Variants in NSD1 observed in about 807,000 individuals in gnomAD.
NSD1 encodes the protein histone-lysine N-methyltransferase, H3 lysine-36 specific.
In NSD1, 26 loss-of-function variants were observed where a neutral mutation model predicts 242.7. The ratio of observed to expected loss-of-function variants is 0.11; its 90% CI spans 0.08 to 0.15. The LOEUF (loss-of-function observed/expected upper bound fraction) is 0.15. Among genes scored for constraint, NSD1 ranks in the 10% least tolerant of loss-of-function variants. The pLI is 1.00. For synonymous variants in NSD1, 1,106 were observed against 1,178.1 expected (o/e 0.94, Z 1.25); for missense variants, 2,495 against 3,272.8 (o/e 0.76, Z 5.80).
chr5:177,134,663 G>C lies in NSD1; in HGVS notation c.-17-424G>C, dbSNP rs912514240. ...GCTGCGCCCTAGCGAGCCAGGAAGG[G>C]GGGGGTACCTTTTTGTGCAGGGTCC... On this transcript the variant is annotated intron_variant, in intron 1 of 22. Transcript: ENST00000439151. The surrounding 1 kb of genome is among the most constrained non-coding windows in gnomAD (Gnocchi z 4.2). 2.0e-5 allele frequency among the ~76,000 whole-genome samples: 3 copies of C among 152,206 alleles called. No individual in the cohort carries two copies. Among genetic ancestry groups the C allele is most frequent in the African/African-American group, 7.2e-5 (3 of 41,470 alleles).
chr5:177,292,279 G>T (rs556503132), intron 22 of NSD1, 121 bp downstream of exon 22: 2 of 944,212 alleles, frequency 2.1e-6, no homozygotes, highest in East Asian at 2.6e-5. Context: ...ATTTTGAGGG[G>T]TATGGTCTAT....
chr5:177,241,184 C>T (rs969468547), intron 8 of NSD1, among the ~76,000 whole-genome samples: 2 of 151,998 alleles, frequency 1.3e-5, no homozygotes, highest in African/African-American at 4.8e-5. Flanking sequence ...CCAGTTGTTT[C>T]AGCACCATTT....
intron 4 of NSD1, among the ~76,000 whole-genome samples, chr5:177,208,527 T>G (rs907500155): frequency 6.6e-5 from 10 of 151,632 alleles, no homozygotes; most frequent in Non-Finnish European, 1.3e-4. Context: ...TTTCTTTTTT[T>G]CTTTTCTTTT....
In NSD1 at chr5:177,294,031, T is replaced by C. The variant is rs1760069899; in HGVS notation, c.6663T>C (p.Tyr2221=). 1.9e-6 allele frequency: 3 copies of C among 1,613,986 alleles called. No homozygotes were observed. The highest frequency in any genetic ancestry group is 2.2e-5 in the East Asian group (1 of 44,880). ...NPLEPGEIRE[Y]VPPPVPLPPG... ...TGGAACCTGGGGAGATCCGTGAGTA[T>C]GTGCCTCCCCCAGTACCGCTGCCTC... is the stretch of plus-strand genomic sequence containing the variant. The change falls in exon 23 of 23, where the codon TAT becomes TAC. Residue 2221 remains tyrosine, a synonymous_variant. Transcript: ENST00000439151.
intron 13 of NSD1, 61 bp from the exon 14 acceptor site, chr5:177,259,928 A>G (rs1756851443): frequency 2.5e-6 from 4 of 1,574,142 alleles, no homozygotes; most frequent in Non-Finnish European, 3.5e-6. Context: ...AATAACTCAC[A>G]TTCTTTTTAT....
chr5:177,223,276 AGGCACGGTGGCTAGGCCG>A (rs1351869632), intron 5 of NSD1, among the ~76,000 whole-genome samples: 2 of 151,892 alleles, frequency 1.3e-5, no homozygotes, highest in Non-Finnish European at 2.9e-5. Flanking sequence ...GAGCCAGTCT[AGGCACGGTGGCTAGGCCG>A]GGCACGGTGG....
At chr5:177,144,810 G>A (rs561292658) in intron 2 of NSD1, among the ~76,000 whole-genome samples, 4 of 152,104 alleles carry the variant, frequency 2.6e-5, no homozygotes, top group Non-Finnish European at 4.4e-5. Flanking sequence ...GGCCGGGCGC[G>A]GTGGTTCACA....
chr5:177,210,320 A>C lies in NSD1; in HGVS notation c.1921A>C (p.Thr641Pro). The C allele has an allele frequency of 6.2e-7, 1 of 1,613,992 alleles. No individual in the cohort carries two copies. Among genetic ancestry groups the C allele is most frequent in the Non-Finnish European group, 8.5e-7 (1 of 1,179,974 alleles). The change falls in exon 5 of 23, where the codon ACT (threonine) becomes CCT (proline). Residue 641 changes from threonine to proline, a missense_variant. Thr to Pro is a conservative substitution (Grantham distance 38, BLOSUM62 -1). Coordinates refer to ENST00000439151, the MANE Select transcript of NSD1 (RefSeq NM_022455.5). Reference sequence around the variant, plus strand: ...AAGTGATTCCATTAGTATCTGTACCACTTCTGATGATGGAAGCAGTGACCT... The same window carrying C: ...AAGTGATTCCATTAGTATCTGTACCCCTTCTGATGATGGAAGCAGTGACCT... Reference protein sequence around the residue: ...KRSDSISICTTSDDGSSDLDP... With the variant: ...KRSDSISICTPSDDGSSDLDP...
At chr5:177,189,575 T>C (rs769196840) in intron 2 of NSD1, among the ~76,000 whole-genome samples, 1 of 152,212 alleles carries the variant, frequency 6.6e-6, no homozygotes, top group Non-Finnish European at 1.5e-5. Flanking sequence ...TCTGGAGTTG[T>C]ATCTCCCCAG....
rs557636284 is a variant in NSD1 at position 177,226,431 on chromosome 5, T to C, written c.3797-9390T>C. Reference sequence around the variant, plus strand: ...ATTTAAAATTTAGCATAGTTAAAAATCTTAAGTCATTTGGTATGTGTGAGA... The same window carrying C: ...ATTTAAAATTTAGCATAGTTAAAAACCTTAAGTCATTTGGTATGTGTGAGA... On this transcript the variant is annotated intron_variant, in intron 5 of 22. Coordinates refer to ENST00000439151, the MANE Select transcript of NSD1 (RefSeq NM_022455.5). Among the ~76,000 whole-genome samples the C allele has an allele frequency of 3.3e-5, 5 of 152,336 alleles. No individual in the cohort carries two copies. In the South Asian group the frequency reaches 6.2e-4, roughly 19 times the overall value.
rs749277550 is a variant in NSD1, at chr5:177,282,529, G to A, written c.5957G>A (p.Arg1986His). ...IDEEECRARI[R>H]YAQEHDITNF... ...GAAGAAGAATGCAGAGCTCGAATTC[G>A]CTATGCTCAAGAACATGATATCACT... Residue 1986 changes from arginine (R) to histidine (H), a missense_variant, in exon 19 of 23, where the codon CGC becomes CAC. Transcript: ENST00000439151. 12 of 1,613,906 alleles carry A rather than the reference G, an allele frequency of 7.4e-6. No individual in the cohort carries two copies. The highest frequency in any genetic ancestry group is 6.7e-5 in the East Asian group (3 of 44,870).
chr5:177,285,927 G>A (rs1759289228), intron 20 of NSD1, among the ~76,000 whole-genome samples: 1 of 152,118 alleles, frequency 6.6e-6, no homozygotes, highest in Middle Eastern at 3.4e-3. Context: ...ACGGAGTCTC[G>A]CTCTGTTGCC....
chr5:177,155,924 C>T (rs1176597022), intron 2 of NSD1, among the ~76,000 whole-genome samples: 1 of 151,388 alleles, frequency 6.6e-6, no homozygotes, highest in Admixed American at 6.6e-5. Context: ...AGGCTGGTCT[C>T]GAACTCCTGA....
chr5:177,193,626 T>C (rs1761874026), intron 3 of NSD1, among the ~76,000 whole-genome samples: 1 of 152,022 alleles, frequency 6.6e-6, no homozygotes, highest in African/African-American at 2.4e-5. Context: ...GTAGTGATTT[T>C]ATTTTAGTTT....
intron 5 of NSD1, among the ~76,000 whole-genome samples, chr5:177,218,097 C>T (rs1763929751): frequency 6.6e-6 from 1 of 152,074 alleles, no homozygotes; most frequent in Non-Finnish European, 1.5e-5. Flanking sequence ...CCTTTTTGTA[C>T]AGGTCAGGTT....
At position 177,135,818 on chromosome 5, in the gene NSD1, A is replaced by C; in HGVS notation, c.715A>C (p.Lys239Gln). 6.2e-7 allele frequency: 1 copy of C among 1,608,158 alleles called. No homozygotes were observed. ...LAPQTETQKN[K>Q]QRNEVDGSNE... is the part of the protein sequence containing the mutation. ...TCCTCAGACTGAAACACAGAAAAAT[A>C]AGCAAAGAAATGAAGTGGACGGCAG... Residue 239 changes from lysine (K) to glutamine (Q), a missense_variant, in exon 2 of 23, where the codon AAG (lysine) becomes CAG (glutamine). Around this residue, in one of 19 missense-constraint regions of NSD1, gnomAD observed 376 missense variants for 367.4 expected, o/e 1.02. Coordinates refer to ENST00000439151, the MANE Select transcript of NSD1 (RefSeq NM_022455.5).
intron 2 of NSD1, among the ~76,000 whole-genome samples, chr5:177,168,685 T>C (rs1409561895): frequency 6.6e-6 from 1 of 152,128 alleles, no homozygotes; most frequent in Non-Finnish European, 1.5e-5. Context: ...GGTCTCGAAC[T>C]CCTGATCTCA....
chr5:177,175,532 G>A (rs1760121679), intron 2 of NSD1, among the ~76,000 whole-genome samples: 1 of 152,076 alleles, frequency 6.6e-6, no homozygotes, highest in Non-Finnish European at 1.5e-5. Flanking sequence ...GTGGGGCTGA[G>A]GTGGGAGGAT....
At chr5:177,168,187 A>G (rs1759364010) in intron 2 of NSD1, among the ~76,000 whole-genome samples, 1 of 152,142 alleles carries the variant, frequency 6.6e-6, no homozygotes, top group Non-Finnish European at 1.5e-5. Context: ...TTCACTGTAT[A>G]AGACTTTTCA....
Sources: allele counts gnomAD v4.1 joint callset (sites outside exome capture counted in the v4.1 genomes callset), GRCh38; gene constraint gnomAD v4.1.1; regional missense constraint gnomAD v4.1.1; non-coding constraint Gnocchi (gnomAD v3.1); transcripts MANE v1.5; gene names NCBI Gene and HGNC (gene_info 2026-07-23, HGNC 2026-07-21).